ZNF83: variants seen among roughly 807,000 people sequenced by gnomAD.
ZNF83 encodes zinc finger protein 816B.
For missense variants in ZNF83, 552 were observed against 629.9 expected (o/e 0.88, Z 1.32); for synonymous variants, 209 against 213.0 (o/e 0.98, Z 0.17).
chr19:52,662,283 T>C (rs1031976179), intron 1 of ZNF83, among the ~76,000 whole-genome samples: 7 of 152,134 alleles, frequency 4.6e-5, no homozygotes, highest in Non-Finnish European at 7.3e-5. Flanking sequence ...ATCTGAGACA[T>C]GTAGGACTGC....
intron 2 of ZNF83, among the ~76,000 whole-genome samples, chr19:52,657,701 G>A (rs2061524755): frequency 6.6e-6 from 1 of 151,974 alleles, no homozygotes; most frequent in Admixed American, 6.6e-5. Context: ...TACAAAATTA[G>A]CCAGATGTGG....
intron 2 of ZNF83, among the ~76,000 whole-genome samples, chr19:52,631,098 C>G (rs1452953776): frequency 1.7e-5 from 2 of 118,686 alleles, no homozygotes; most frequent in Non-Finnish European, 3.8e-5. Flanking sequence ...GACCCTGACA[C>G]CCATTAGGCT....
intron 3 of ZNF83, among the ~76,000 whole-genome samples, chr19:52,649,280 A>T (rs329962): frequency 0.53 from 80,577 of 151,968 alleles, 21,953 homozygotes; most frequent in East Asian, 0.71. Context: ...AACTTCTCCA[A>T]GGGAAGCAGG....
At position 52,643,456 on chromosome 19, in the gene ZNF83, CGTTGGG is replaced by C. The variant is rs1568559462; in HGVS notation, c.-73-8309_-73-8304del. On this transcript the variant is annotated intron_variant, in intron 3 of 5. Coordinates refer to the ZNF83 transcript ENST00000594682. ...GTGGCTCACTCCTGTAATCCTAGCACGTTGGGAGGCTGAGGTGGGTGGATCAAGAGG... is the reference window on the plus strand; with the variant it reads ...GTGGCTCACTCCTGTAATCCTAGCACAGGCTGAGGTGGGTGGATCAAGAGG... Among the ~76,000 whole-genome samples, 7 of 151,648 alleles carry C rather than the reference CGTTGGG, an allele frequency of 4.6e-5. No individual in the cohort carries two copies. In the East Asian group the frequency reaches 1.4e-3, roughly 30 times the overall value.
intron 2 of ZNF83, among the ~76,000 whole-genome samples, chr19:52,624,156 T>C (rs192589033): frequency 6.3e-4 from 96 of 152,310 alleles, no homozygotes; most frequent in African/African-American, 2.2e-3. Flanking sequence ...TACTTTCTTT[T>C]CACTCCTCTG....
intron 3 of ZNF83, chr19:52,653,302 T>G (rs2061466937): frequency 7.3e-7 from 1 of 1,366,732 alleles, no homozygotes; most frequent in African/African-American, 1.4e-5. Context: ...CTTACCACAT[T>G]CATTACATGT....
chr19:52,652,941 CAT>C, intron 3 of ZNF83: 1 of 1,210,982 alleles, frequency 8.3e-7, no homozygotes, highest in Non-Finnish European at 1.2e-6. Flanking sequence ...CAAAGGATGA[CAT>C]ATGACTGAAG....
intron 1 of ZNF83, among the ~76,000 whole-genome samples, chr19:52,689,706 C>G (rs8103291): frequency 0.047 from 7,120 of 150,358 alleles, 390 homozygotes; most frequent in African/African-American, 0.14. Context: ...TCTCTTATGG[C>G]TCTTTCTCAT....
intron 3 of ZNF83, chr19:52,652,101 C>T (rs61656558): frequency 0.13 from 30,200 of 236,380 alleles, 2,269 homozygotes; most frequent in East Asian, 0.23. Context: ...GATTTCTGTC[C>T]AGTATAGATT....
intron 2 of ZNF83, among the ~76,000 whole-genome samples, chr19:52,633,860 A>C (rs150022960): frequency 0.011 from 1,621 of 152,284 alleles, 28 homozygotes; most frequent in African/African-American, 0.036. Context: ...CGGTGAGCAA[A>C]GATCACGCCA....
chr19:52,654,617 T>C (rs1305406421), intron 3 of ZNF83, among the ~76,000 whole-genome samples: 1 of 152,124 alleles, frequency 6.6e-6, no homozygotes, highest in Admixed American at 6.6e-5. Context: ...CTCAGGACGC[T>C]GAGGCAGGAG....
At chr19:52,630,148 G>A (rs887455277) in intron 2 of ZNF83, among the ~76,000 whole-genome samples, 10 of 152,154 alleles carry the variant, frequency 6.6e-5, no homozygotes, top group East Asian at 3.9e-4. Flanking sequence ...AAATCGGACC[G>A]TTCAACTCAC....
intron 1 of ZNF83, among the ~76,000 whole-genome samples, chr19:52,668,073 T>C (rs566247060): frequency 6.6e-6 from 1 of 152,366 alleles, no homozygotes; most frequent in East Asian, 1.9e-4. Flanking sequence ...AGAAATTATA[T>C]ACTTGGTTTA....
At chr19:52,687,207 A>G (rs948550164) in intron 1 of ZNF83, among the ~76,000 whole-genome samples, 1 of 147,618 alleles carries the variant, frequency 6.8e-6, no homozygotes, top group Non-Finnish European at 1.5e-5. Context: ...AGTACTATGT[A>G]GGCCAGGCGC....
chr19:52,617,022 AG>A (rs1231973267), intron 2 of ZNF83: 2 of 152,268 alleles, frequency 1.3e-5, no homozygotes, highest in East Asian at 3.9e-4. Flanking sequence ...AACATAGAGC[AG>A]GGCCTATCAG....
At chr19:52,630,961 C>T (rs184925621) in intron 2 of ZNF83, among the ~76,000 whole-genome samples, 18 of 149,756 alleles carry the variant, frequency 1.2e-4, no homozygotes, top group African/African-American at 4.2e-4. Flanking sequence ...TGGTGCCAAA[C>T]CCATATACTC....
intron 2 of ZNF83, among the ~76,000 whole-genome samples, chr19:52,633,667 CG>C (rs1437940319): frequency 1.3e-5 from 2 of 152,098 alleles, no homozygotes; most frequent in Admixed American, 1.3e-4. Flanking sequence ...TCCAGCACTT[CG>C]GGAGGCCCAA....
intron 1 of ZNF83, among the ~76,000 whole-genome samples, chr19:52,682,399 G>C (rs889801250): frequency 1.3e-5 from 2 of 151,990 alleles, no homozygotes; most frequent in South Asian, 2.1e-4. Flanking sequence ...AATTCTGGAA[G>C]TGGTGGCTCA....
chr19:52,661,183 C>G (rs970744008), intron 1 of ZNF83, among the ~76,000 whole-genome samples: 5 of 152,174 alleles, frequency 3.3e-5, no homozygotes, highest in East Asian at 3.9e-4. Context: ...GTTTAGAAAC[C>G]ACACATTCCT....
Sources: allele counts gnomAD v4.1 joint callset (sites outside exome capture counted in the v4.1 genomes callset), GRCh38; gene constraint gnomAD v4.1.1; transcripts MANE v1.5; gene names NCBI Gene and HGNC (gene_info 2026-07-23, HGNC 2026-07-21).